The following CEP112 variants were observed in gnomAD, a reference collection of about 807,000 sequenced individuals.
CEP112 encodes centrosomal protein 112.
In CEP112, 127 loss-of-function variants were observed where a neutral mutation model predicts 153.0. That is an observed-to-expected ratio of 0.83 (90% CI 0.72 to 0.96). The LOEUF is 0.96. CEP112 is among the 40% of genes least tolerant of loss of function. The probability of loss-of-function intolerance (pLI) is 0.00; values close to 1 mark genes in which losing one functional copy is unlikely to be tolerated. For synonymous variants in CEP112, 358 were observed against 374.4 expected (o/e 0.96, Z 0.51); for missense variants, 1,089 against 1,101.2 (o/e 0.99, Z 0.16).
intron 24 of CEP112, among the ~76,000 whole-genome samples, chr17:65,647,476 T>C (rs2045504372): frequency 6.7e-6 from 1 of 149,186 alleles, no homozygotes; most frequent in Non-Finnish European, 1.5e-5. Flanking sequence ...CCCGGCCTTT[T>C]TTTTTTTTTT....
chr17:66,061,561 G>C (rs2146002391), intron 11 of CEP112, among the ~76,000 whole-genome samples: 1 of 84,700 alleles, frequency 1.2e-5, no homozygotes, highest in Middle Eastern at 6.0e-3. Context: ...TAAAGAAAAT[G>C]TGATAGATAC....
At chr17:65,658,586 T>C (rs951951356) in intron 24 of CEP112, among the ~76,000 whole-genome samples, 27 of 152,062 alleles carry the variant, frequency 1.8e-4, no homozygotes, top group African/African-American at 5.5e-4. Context: ...ATTTACTTAG[T>C]TTGAGGAGCA....
chr17:65,962,358 A>G (rs1001522799), intron 17 of CEP112, among the ~76,000 whole-genome samples: 28 of 152,312 alleles, frequency 1.8e-4, no homozygotes, highest in East Asian at 1.4e-3. Context: ...ACAGAGAAAC[A>G]TGATGGCCTA....
chr17:65,696,495 C>T (rs762236161), intron 23 of CEP112, among the ~76,000 whole-genome samples: 1 of 152,060 alleles, frequency 6.6e-6, no homozygotes, highest in Non-Finnish European at 1.5e-5. Flanking sequence ...TATATAAATA[C>T]AAAACTGGGG....
At chr17:65,764,312 T>G (rs1051204133) in intron 21 of CEP112, among the ~76,000 whole-genome samples, 28 of 152,272 alleles carry the variant, frequency 1.8e-4, no homozygotes, top group Admixed American at 2.6e-4. Flanking sequence ...TCCCTTTTAA[T>G]TTTCTGTCTC....
chr17:65,722,438 G>A (rs564784928), intron 23 of CEP112, among the ~76,000 whole-genome samples: 5 of 152,178 alleles, frequency 3.3e-5, no homozygotes, highest in African/African-American at 9.6e-5. Flanking sequence ...TAGCAGAGAC[G>A]GGGTTTCACC....
intron 16 of CEP112, among the ~76,000 whole-genome samples, chr17:66,018,456 A>G (rs541791149): frequency 1.3e-5 from 2 of 152,316 alleles, no homozygotes; most frequent in African/African-American, 2.4e-5. Flanking sequence ...GTACTGACCC[A>G]AACACTGACT....
chr17:65,695,549 G>T (rs2048314521), intron 23 of CEP112, among the ~76,000 whole-genome samples: 1 of 152,134 alleles, frequency 6.6e-6, no homozygotes, highest in South Asian at 2.1e-4. Flanking sequence ...CAAGAATAAA[G>T]TGATGGCAGA....
chr17:66,087,026 G>C (rs2067966534), intron 8 of CEP112, among the ~76,000 whole-genome samples: 1 of 152,064 alleles, frequency 6.6e-6, no homozygotes, highest in South Asian at 2.1e-4. Context: ...GACTGTAATT[G>C]CACAAAGGAT....
intron 20 of CEP112, among the ~76,000 whole-genome samples, chr17:65,884,100 A>C (rs1471414616): frequency 6.6e-6 from 1 of 152,204 alleles, no homozygotes; most frequent in Non-Finnish European, 1.5e-5. Flanking sequence ...GGTTATTAGC[A>C]TATAGTTGTT....
intron 21 of CEP112, among the ~76,000 whole-genome samples, chr17:65,833,664 G>T (rs1055873545): frequency 2.6e-5 from 4 of 151,974 alleles, no homozygotes; most frequent in Non-Finnish European, 5.9e-5. Context: ...GAGGTAAAAA[G>T]TCTCTACAAT....
At chr17:65,870,948 A>G (rs2058653511) in intron 20 of CEP112, among the ~76,000 whole-genome samples, 1 of 152,192 alleles carries the variant, frequency 6.6e-6, no homozygotes, top group Non-Finnish European at 1.5e-5. Context: ...CTTTCCAGGG[A>G]AGCAGAGTTT....
chr17:65,971,905 T>G (rs1407572496), intron 17 of CEP112, among the ~76,000 whole-genome samples: 1 of 152,196 alleles, frequency 6.6e-6, no homozygotes, highest in African/African-American at 2.4e-5. Context: ...AGCAAAGACT[T>G]ATTGAAATGC....
intron 4 of CEP112, among the ~76,000 whole-genome samples, chr17:66,151,345 A>C (rs1179067058): frequency 6.6e-6 from 1 of 152,126 alleles, no homozygotes; most frequent in African/African-American, 2.4e-5. Context: ...CCTTCTAGCT[A>C]TACCTAGCTA....
At chr17:66,131,677 C>G (rs229855) in intron 5 of CEP112, among the ~76,000 whole-genome samples, 1 of 151,260 alleles carries the variant, frequency 6.6e-6, no homozygotes, top group Non-Finnish European at 1.5e-5. Flanking sequence ...GGAGGCGGAG[C>G]TTGCAGTGAG....
intron 18 of CEP112, among the ~76,000 whole-genome samples, chr17:65,949,077 C>T (rs1207650577): frequency 6.6e-6 from 1 of 152,070 alleles, no homozygotes; most frequent in East Asian, 1.9e-4. Context: ...TGATTGATTT[C>T]TTTTAGAATT....
At chr17:65,872,446 C>A (rs762536993) in intron 20 of CEP112, among the ~76,000 whole-genome samples, 1 of 152,102 alleles carries the variant, frequency 6.6e-6, no homozygotes, top group African/African-American at 2.4e-5. Flanking sequence ...ATTCATCTTA[C>A]TAAATATAAT....
At chr17:65,865,830 C>T (rs987509260) in intron 20 of CEP112, among the ~76,000 whole-genome samples, 4 of 152,192 alleles carry the variant, frequency 2.6e-5, no homozygotes, top group Non-Finnish European at 1.5e-5. Context: ...TGATGGGGTC[C>T]GGCCGCGTCA....
rs529402698 is a variant in CEP112 at position 66,189,840 on chromosome 17, G to A, written c.-9+2157C>T. On this transcript the variant is annotated intron_variant, in intron 1 of 26. Coordinates refer to ENST00000535342, the MANE Select transcript of CEP112 (RefSeq NM_001199165.4). ...GATCCCAGGAGTTCAAGACCAGCCT[G>A]GGCAACATAGTGAGACCCTGTCTCT... Among the ~76,000 whole-genome samples, 6 of 152,188 alleles carry A rather than the reference G, an allele frequency of 3.9e-5. No homozygotes were observed. In the East Asian group the frequency reaches 1.2e-3, roughly 30 times the overall value.
Sources: allele counts gnomAD v4.1 joint callset (sites outside exome capture counted in the v4.1 genomes callset), GRCh38; gene constraint gnomAD v4.1.1; transcripts MANE v1.5; gene names NCBI Gene and HGNC (gene_info 2026-07-23, HGNC 2026-07-21).